The following DISC1 variants were observed in gnomAD, a reference collection of about 807,000 sequenced individuals.
The protein encoded by DISC1 is DISC1 scaffold protein, also known as disrupted in schizophrenia 1 protein.
Under a neutral mutation model 84.5 loss-of-function variants are expected in DISC1, and 57 were observed. That is an observed-to-expected ratio of 0.67 (90% CI 0.55 to 0.84). The LOEUF (loss-of-function observed/expected upper bound fraction) is 0.84. Ranked by LOEUF, DISC1 falls within the 40% of genes least tolerant of loss-of-function variation. The pLI is 0.00. For synonymous variants in DISC1, 411 were observed against 415.2 expected, an observed-to-expected ratio of 0.99 and a Z score of 0.12; for missense variants, 1,000 against 1,057.8, an observed-to-expected ratio of 0.95 and a Z score of 0.76.
At chr1:231,808,613 G>A (rs2079954257) in intron 8 of DISC1, among the ~76,000 whole-genome samples, 1 of 152,240 alleles carries the variant, frequency 6.6e-6, no homozygotes, top group Non-Finnish European at 1.5e-5. Context: ...GGTATTTACT[G>A]CGTGCCTTTC....
intron 10 of DISC1, among the ~76,000 whole-genome samples, chr1:232,007,440 T>C (rs1461672603): frequency 3.3e-5 from 5 of 152,198 alleles, no homozygotes; most frequent in South Asian, 2.1e-4. Context: ...TTCTGAGACA[T>C]GGAGTCAAAG....
chr1:231,711,315 T>C (rs2067796541), intron 3 of DISC1, among the ~76,000 whole-genome samples: 1 of 152,132 alleles, frequency 6.6e-6, no homozygotes, highest in South Asian at 2.1e-4. Context: ...GAATTGATTT[T>C]TTTTTTAGAA....
At chr1:231,811,763 A>G (rs1159370983) in intron 8 of DISC1, among the ~76,000 whole-genome samples, 1 of 152,208 alleles carries the variant, frequency 6.6e-6, no homozygotes, top group Admixed American at 6.5e-5. Context: ...GGTGTTGACT[A>G]AGTCACTTAT....
intron 8 of DISC1, 110 bp from the exon 9 acceptor site, chr1:231,818,219 G>A: frequency 9.2e-7 from 1 of 1,087,840 alleles, no homozygotes; most frequent in East Asian, 2.3e-5. Flanking sequence ...ATCTCAAAGT[G>A]CAGTTTCTTT....
chr1:232,030,403 A>G (rs1385307261), intron 12 of DISC1, among the ~76,000 whole-genome samples: 1 of 152,194 alleles, frequency 6.6e-6, no homozygotes, highest in African/African-American at 2.4e-5. Flanking sequence ...TACACCTGTG[A>G]TATGTACATT....
rs73094809 is a variant in DISC1 at position 231,861,827 on chromosome 1, A to G, written c.1981+43310A>G. Among the ~76,000 whole-genome samples the G allele has an allele frequency of 9.9e-3, 1,501 of 152,250 alleles. 28 individuals are homozygous for G. The highest frequency in any genetic ancestry group is 0.034 in the African/African-American group (1,427 of 41,522). On this transcript the variant is annotated intron_variant, in intron 9 of 12. Transcript: ENST00000439617. ...TGATTGAGATATTACCTCATAGTAG[A>G]TTACTTTCCCATTAATGTTTGCTCA...
chr1:231,766,301 A>AAC (rs1295937610), intron 4 of DISC1, among the ~76,000 whole-genome samples: 2 of 150,284 alleles, frequency 1.3e-5, no homozygotes, highest in Non-Finnish European at 3.0e-5. Flanking sequence ...AAAAAAAAAA[A>AAC]AAAAAACAAA....
intron 3 of DISC1, among the ~76,000 whole-genome samples, chr1:231,747,509 G>T (rs191658649): frequency 6.6e-6 from 1 of 152,254 alleles, no homozygotes; most frequent in Non-Finnish European, 1.5e-5. Flanking sequence ...TTATTGAAGA[G>T]ACCTTCTTTT....
intron 8 of DISC1, among the ~76,000 whole-genome samples, chr1:231,811,885 T>G (rs1454085491): frequency 6.6e-6 from 1 of 152,218 alleles, no homozygotes; most frequent in African/African-American, 2.4e-5. Context: ...ATTTTTTAAC[T>G]GGAAATCAAG....
intron 10 of DISC1, among the ~76,000 whole-genome samples, chr1:231,993,558 A>G (rs1425266532): frequency 2.6e-5 from 4 of 152,184 alleles, no homozygotes; most frequent in Admixed American, 6.5e-5. Context: ...GAAAATAACA[A>G]GTTTAAAAAT....
chr1:231,812,283 C>T (rs2080385135), intron 8 of DISC1, among the ~76,000 whole-genome samples: 1 of 152,104 alleles, frequency 6.6e-6, no homozygotes, highest in South Asian at 2.1e-4. Context: ...GTCTCCAACT[C>T]CTCAAGCAAC....
intron 9 of DISC1, among the ~76,000 whole-genome samples, chr1:231,886,754 T>TCCTC (rs2086709491): frequency 1.6e-5 from 2 of 124,080 alleles, no homozygotes; most frequent in South Asian, 3.0e-4. Flanking sequence ...TTTCTTCCTT[T>TCCTC]CTTCCTTCCT....
chr1:231,634,984 G>A (rs1399629819), intron 1 of DISC1, among the ~76,000 whole-genome samples: 2 of 152,212 alleles, frequency 1.3e-5, no homozygotes, highest in East Asian at 3.9e-4. Context: ...GGGCCATCCA[G>A]TCTAGAGAGA....
chr1:231,986,951 C>T (rs200775230), intron 10 of DISC1, among the ~76,000 whole-genome samples: 32 of 152,156 alleles, frequency 2.1e-4, no homozygotes, highest in Non-Finnish European at 4.0e-4. Context: ...CTCCTTTTCC[C>T]CCCATTAATA....
intron 10 of DISC1, among the ~76,000 whole-genome samples, chr1:231,967,605 C>T (rs949201010): frequency 3.3e-5 from 5 of 152,130 alleles, no homozygotes; most frequent in Admixed American, 6.5e-5. Flanking sequence ...TATTCACTGT[C>T]GGATTTATAC....
At chr1:231,936,058 A>T (rs2090965027) in intron 9 of DISC1, among the ~76,000 whole-genome samples, 1 of 152,174 alleles carries the variant, frequency 6.6e-6, no homozygotes, top group Non-Finnish European at 1.5e-5. Flanking sequence ...AAGTGTGTCC[A>T]TGCTGGGGAG....
intron 10 of DISC1, among the ~76,000 whole-genome samples, chr1:231,996,068 G>C (rs548024893): frequency 9.2e-5 from 14 of 152,296 alleles, no homozygotes; most frequent in Middle Eastern, 3.4e-3. Context: ...TCGTGGTTTT[G>C]ATTTGCATTT....
chr1:231,982,891 A>G (rs1362503448), intron 10 of DISC1, among the ~76,000 whole-genome samples: 4 of 152,236 alleles, frequency 2.6e-5, no homozygotes, highest in African/African-American at 7.2e-5. Context: ...GAAACCACCT[A>G]GTAATTTAAA....
chr1:231,766,832 G>A (rs1401087933), intron 4 of DISC1, among the ~76,000 whole-genome samples: 1 of 152,132 alleles, frequency 6.6e-6, no homozygotes, highest in Admixed American at 6.5e-5. Flanking sequence ...AATCTGGTGT[G>A]TGTTTTACAC....
Sources: gnomAD v4.1 joint callset for allele counts (sites outside exome capture counted in the v4.1 genomes callset) on GRCh38, gnomAD v4.1.1 for gene constraint, MANE v1.5 for transcripts, NCBI Gene and HGNC (gene_info 2026-07-23, HGNC 2026-07-21) for gene names.